The following RAPGEF4 variants were observed in gnomAD, a reference collection of about 807,000 sequenced individuals.
The protein encoded by RAPGEF4 is RAP guanine-nucleotide-exchange factor (GEF) 4.
In RAPGEF4, 66 loss-of-function variants were observed where a neutral mutation model predicts 147.9. The ratio of observed to expected loss-of-function variants is 0.45; its 90% CI spans 0.37 to 0.55. The LOEUF is 0.55. Ranked by LOEUF, RAPGEF4 falls within the 20% of genes least tolerant of loss-of-function variation. The probability of loss-of-function intolerance (pLI) is 0.00; values close to 1 mark genes in which losing one functional copy is unlikely to be tolerated. For missense variants in RAPGEF4, 1,071 were observed against 1,257.3 expected, an observed-to-expected ratio of 0.85 and a Z score of 2.24; for synonymous variants, 419 against 442.7, an observed-to-expected ratio of 0.95 and a Z score of 0.67.
At position 172,770,700 on chromosome 2, in the gene RAPGEF4, G is replaced by C. The variant is rs140282332; in HGVS notation, c.66-24325G>C. ...AGATGAGTGTTAAATGGAAAGAATT[G>C]CCATCTATTGTCCCCATGGATTAGG... On this transcript the variant is annotated intron_variant, in intron 1 of 30. Transcript: ENST00000397081. Among the ~76,000 whole-genome samples, 382 of 152,278 alleles carry C rather than the reference G, an allele frequency of 2.5e-3. 3 individuals carry two copies. Among genetic ancestry groups the C allele is most frequent in the African/African-American group, 8.6e-3 (356 of 41,562 alleles).
chr2:172,859,867 G>GCGTC (rs1693830161), intron 4 of RAPGEF4, among the ~76,000 whole-genome samples: 1 of 152,094 alleles, frequency 6.6e-6, no homozygotes, highest in Non-Finnish European at 1.5e-5. Flanking sequence ...AGACAGTCTT[G>GCGTC]CTGGACCTAT....
At chr2:172,899,225 T>C (rs1698822720) in intron 4 of RAPGEF4, among the ~76,000 whole-genome samples, 1 of 152,208 alleles carries the variant, frequency 6.6e-6, no homozygotes, top group African/African-American at 2.4e-5. Context: ...AGAAAGGTCG[T>C]TTTTCTTCTT....
At chr2:172,912,799 A>G (rs1373798874) in intron 4 of RAPGEF4, among the ~76,000 whole-genome samples, 1 of 151,684 alleles carries the variant, frequency 6.6e-6, no homozygotes, top group Non-Finnish European at 1.5e-5. Context: ...CATTTTCCAC[A>G]TTCCTGCAGG....
At chr2:172,813,892 A>C (rs1688253776) in intron 3 of RAPGEF4, among the ~76,000 whole-genome samples, 1 of 152,220 alleles carries the variant, frequency 6.6e-6, no homozygotes, top group African/African-American at 2.4e-5. Context: ...TAAAAGGAAG[A>C]ATCTTTGGAT....
chr2:172,901,365 CT>C (rs1373218324), intron 4 of RAPGEF4, among the ~76,000 whole-genome samples: 1 of 152,216 alleles, frequency 6.6e-6, no homozygotes, highest in Non-Finnish European at 1.5e-5. Flanking sequence ...CATGCTTCCC[CT>C]GTCCCTTCTC....
intron 1 of RAPGEF4, among the ~76,000 whole-genome samples, chr2:172,774,477 A>G (rs1683963110): frequency 6.6e-6 from 1 of 151,940 alleles, no homozygotes; most frequent in South Asian, 2.1e-4. Flanking sequence ...CCATGCCTTT[A>G]CTCAAGCTTT....
At chr2:173,020,461 C>T (rs900894384) in intron 22 of RAPGEF4, among the ~76,000 whole-genome samples, 157 bp from the exon 23 acceptor site, 7 of 152,292 alleles carry the variant, frequency 4.6e-5, no homozygotes, top group Middle Eastern at 3.4e-3. Context: ...TGAATGCCGT[C>T]TTTTTTATTC....
chr2:172,762,770 G>A (rs924209545), intron 1 of RAPGEF4, among the ~76,000 whole-genome samples: 2 of 152,190 alleles, frequency 1.3e-5, no homozygotes, highest in African/African-American at 2.4e-5. Flanking sequence ...CCTGGGGAGT[G>A]AACATCTTTG....
intron 6 of RAPGEF4, among the ~76,000 whole-genome samples, chr2:172,943,007 G>T (rs1293473213): frequency 6.6e-6 from 1 of 152,110 alleles, no homozygotes; most frequent in African/African-American, 2.4e-5. Context: ...TAGAGGGCTT[G>T]GGAAGAACTG....
rs573985594 is a variant in RAPGEF4, at chr2:172,750,113, T to C, written c.65+14065T>C. 3.9e-5 allele frequency among the ~76,000 whole-genome samples: 6 copies of C among 152,238 alleles called. No individual in the cohort carries two copies. The East Asian group carries it at 1.2e-3, about 30-fold the overall frequency. On this transcript the variant is annotated intron_variant, in intron 1 of 30. Transcript: ENST00000397081. ...ACTTTCCCACATTTTCCTGTCTTCT[T>C]CTGAGCCCTCCAAACTATTCCAACT...
At chr2:172,745,565 A>T (rs2149428876) in intron 1 of RAPGEF4, among the ~76,000 whole-genome samples, 1 of 148,120 alleles carries the variant, frequency 6.8e-6, no homozygotes, top group Admixed American at 6.7e-5. Flanking sequence ...ATTTTTGCTC[A>T]TTTTTTTTTC....
intron 1 of RAPGEF4, among the ~76,000 whole-genome samples, chr2:172,742,778 C>T (rs1336793496): frequency 6.6e-6 from 1 of 152,098 alleles, no homozygotes; most frequent in Non-Finnish European, 1.5e-5. Context: ...AAAGTTTAGC[C>T]AGACCTGGAC....
chr2:172,853,071 G>A (rs1693038231), intron 4 of RAPGEF4, among the ~76,000 whole-genome samples: 1 of 151,830 alleles, frequency 6.6e-6, no homozygotes, highest in South Asian at 2.1e-4. Context: ...TAATTGTTAA[G>A]GATGTTTGTG....
chr2:173,027,233 A>T lies in RAPGEF4; in HGVS notation c.2532A>T (p.Leu844Phe), dbSNP rs972898572. The change falls in exon 25 of 31, where the codon TTA (leucine) becomes TTT (phenylalanine). Residue 844 changes from leucine to phenylalanine, a missense_variant. Leu to Phe is a conservative substitution (Grantham distance 22). Coordinates refer to ENST00000397081, the MANE Select transcript of RAPGEF4 (RefSeq NM_007023.4). ...CSQLSKRVQL[L>F]KKFIKIAAHC... Reference sequence around the variant, plus strand: ...AGCTCAGCAAGCGTGTTCAGCTATTAAAAAAATTTATTAAGATAGCAGCCC... The same window carrying T: ...AGCTCAGCAAGCGTGTTCAGCTATTTAAAAAATTTATTAAGATAGCAGCCC... 9.4e-6 allele frequency: 15 copies of T among 1,596,680 alleles called. No homozygotes were observed. Among genetic ancestry groups the T allele is most frequent in the African/African-American group, 2.7e-5 (2 of 73,824 alleles).
chr2:172,770,806 C>T (rs1402955902), intron 1 of RAPGEF4, among the ~76,000 whole-genome samples: 6 of 152,134 alleles, frequency 3.9e-5, no homozygotes, highest in South Asian at 2.1e-4. Flanking sequence ...AACTAATATG[C>T]GGTATTGGTA....
chr2:172,946,127 G>A (rs1025201598), intron 6 of RAPGEF4, among the ~76,000 whole-genome samples: 6 of 152,182 alleles, frequency 3.9e-5, no homozygotes, highest in Non-Finnish European at 2.9e-5. Flanking sequence ...AAGGAATTTT[G>A]ATGGTTACAA....
At position 172,917,759 on chromosome 2, in the gene RAPGEF4, C is replaced by A. The variant is rs752294198; in HGVS notation, c.445-43C>A. On this transcript the variant is annotated intron_variant, in intron 4 of 30. Transcript: ENST00000397081. ...CATGTAAATAAATGAATGCTCAAAG[C>A]AAGTAAATATCTGTGTGTTGAGTTT... The A allele has an allele frequency of 2.0e-6, 3 of 1,510,548 alleles. No individual in the cohort carries two copies. The African/African-American group carries it at 4.1e-5, about 21-fold the overall frequency. 93.6% of individuals were successfully genotyped at this position (1,510,548 alleles called of 1,614,324 possible).
At chr2:172,920,425 T>C (rs1684621028) in intron 5 of RAPGEF4, among the ~76,000 whole-genome samples, 2 of 152,186 alleles carry the variant, frequency 1.3e-5, no homozygotes, top group South Asian at 2.1e-4. Context: ...TCTTTATTGC[T>C]GATTGCTCAA....
At chr2:172,848,850 A>G (rs976523997) in intron 4 of RAPGEF4, among the ~76,000 whole-genome samples, 2 of 152,198 alleles carry the variant, frequency 1.3e-5, no homozygotes, top group Non-Finnish European at 2.9e-5. Flanking sequence ...TCAAGGGTGT[A>G]TGTAATTGAA....
Sources: allele counts gnomAD v4.1 joint callset (sites outside exome capture counted in the v4.1 genomes callset), GRCh38; gene constraint gnomAD v4.1.1; transcripts MANE v1.5; gene names NCBI Gene and HGNC (gene_info 2026-07-23, HGNC 2026-07-21).